Variants in PLCE1 observed in about 807,000 individuals in gnomAD.
The protein encoded by PLCE1 is 1-phosphatidylinositol 4,5-bisphosphate phosphodiesterase epsilon-1.
Under a neutral mutation model 242.8 loss-of-function variants are expected in PLCE1, and 119 were observed. The observed-to-expected ratio is 0.49, with a 90% confidence interval of 0.42 to 0.57. The LOEUF (loss-of-function observed/expected upper bound fraction) is 0.57. Ranked by LOEUF, PLCE1 falls within the 20% of genes least tolerant of loss-of-function variation. The probability of loss-of-function intolerance (pLI) is 0.00; values close to 1 mark genes in which losing one functional copy is unlikely to be tolerated. For missense variants in PLCE1, 2,441 were observed against 2,788.8 expected (o/e 0.88, Z 2.81); for synonymous variants, 945 against 1,017.4 (o/e 0.93, Z 1.35).
chr10:94,183,154 C>G (rs2048363687), intron 4 of PLCE1, among the ~76,000 whole-genome samples: 1 of 152,144 alleles, frequency 6.6e-6, no homozygotes, highest in African/African-American at 2.4e-5. Flanking sequence ...CTTTGAAAAA[C>G]CACTTTTAGA....
intron 20 of PLCE1, among the ~76,000 whole-genome samples, chr10:94,282,240 A>G (rs2052260838): frequency 6.6e-6 from 1 of 151,572 alleles, no homozygotes; most frequent in South Asian, 2.1e-4. Context: ...CATTTGGGCT[A>G]TAAAAATGAG....
intron 2 of PLCE1, among the ~76,000 whole-genome samples, chr10:94,123,081 CAG>C (rs1247786896): frequency 5.9e-5 from 9 of 152,162 alleles, no homozygotes; most frequent in Admixed American, 1.3e-4. Flanking sequence ...GGAGAGTAAA[CAG>C]TGATTTCTGT....
At chr10:94,260,470 C>G (rs1353868369) in intron 13 of PLCE1, among the ~76,000 whole-genome samples, 6 of 152,112 alleles carry the variant, frequency 3.9e-5, no homozygotes, top group Admixed American at 3.9e-4. Flanking sequence ...TATGCAGTTG[C>G]TTCATAATTA....
chr10:94,225,629 T>C, intron 4 of PLCE1, among the ~76,000 whole-genome samples: 1 of 152,096 alleles, frequency 6.6e-6, no homozygotes. Flanking sequence ...AGATTCTGTC[T>C]AAAAAAGGAA....
intron 3 of PLCE1, among the ~76,000 whole-genome samples, chr10:94,148,708 G>A (rs1018704904): frequency 5.9e-5 from 9 of 152,170 alleles, no homozygotes; most frequent in African/African-American, 1.9e-4. Context: ...AGGGACTATA[G>A]GAAGTGGAAG....
At chr10:94,035,253 T>C (rs1164097429) in intron 2 of PLCE1, among the ~76,000 whole-genome samples, 1 of 152,242 alleles carries the variant, frequency 6.6e-6, no homozygotes, top group Non-Finnish European at 1.5e-5. Context: ...TAGGTTGCTT[T>C]AGAACCTTTA....
intron 1 of PLCE1, among the ~76,000 whole-genome samples, chr10:94,000,669 C>T (rs907483987): frequency 1.3e-5 from 2 of 152,220 alleles, no homozygotes; most frequent in Non-Finnish European, 2.9e-5. Context: ...ATCCCTTCTA[C>T]TGCTCTCTGA....
intron 11 of PLCE1, among the ~76,000 whole-genome samples, chr10:94,256,342 G>A (rs12773172): frequency 0.22 from 26,893 of 124,498 alleles, 3,250 homozygotes; most frequent in Middle Eastern, 0.3. Context: ...AAAAAAAAAA[G>A]AAAGAAAGAA....
chr10:94,009,376 A>C (rs569825979), intron 1 of PLCE1, among the ~76,000 whole-genome samples: 1 of 152,306 alleles, frequency 6.6e-6, no homozygotes, highest in African/African-American at 2.4e-5. Context: ...AACACCTTCC[A>C]CTAGGTCCCA....
chr10:94,162,679 A>G (rs984495969), intron 3 of PLCE1, among the ~76,000 whole-genome samples: 14 of 151,836 alleles, frequency 9.2e-5, no homozygotes, highest in African/African-American at 3.4e-4. Flanking sequence ...GATCTTAGCT[A>G]TTTCTTGCCT....
At chr10:94,307,182 G>A (rs192142410) in intron 26 of PLCE1, among the ~76,000 whole-genome samples, 173 of 152,302 alleles carry the variant, frequency 1.1e-3, no homozygotes, top group Non-Finnish European at 2.1e-3. Flanking sequence ...TGGCTTTGTT[G>A]TGGCACTCTG....
intron 3 of PLCE1, among the ~76,000 whole-genome samples, chr10:94,166,535 C>T (rs1427252442): frequency 6.6e-6 from 1 of 151,612 alleles, no homozygotes; most frequent in Non-Finnish European, 1.5e-5. Context: ...TAAGGTATTC[C>T]TGCCTAACTC....
At chr10:94,324,008 G>A (rs1020759558) in intron 30 of PLCE1, among the ~76,000 whole-genome samples, 8 of 152,290 alleles carry the variant, frequency 5.3e-5, no homozygotes, top group Non-Finnish European at 1.0e-4. Context: ...GTCTGTGAGC[G>A]CTGGTACATG....
intron 3 of PLCE1, among the ~76,000 whole-genome samples, chr10:94,149,885 T>C (rs906913064): frequency 2.0e-5 from 3 of 152,066 alleles, no homozygotes; most frequent in Admixed American, 6.6e-5. Flanking sequence ...GATTACAGAG[T>C]AATTAGATAT....
intron 4 of PLCE1, among the ~76,000 whole-genome samples, chr10:94,207,809 A>C (rs2049209324): frequency 6.6e-6 from 1 of 152,198 alleles, no homozygotes; most frequent in African/African-American, 2.4e-5. Flanking sequence ...TAAAAGGACC[A>C]GGTGCCACTT....
chr10:94,068,386 A>G (rs903322062), intron 2 of PLCE1, among the ~76,000 whole-genome samples: 10 of 138,876 alleles, frequency 7.2e-5, no homozygotes, highest in Admixed American at 2.1e-4. Flanking sequence ...TATTCGGGGG[A>G]AAAATAACAA....
At chr10:94,067,292 G>T (rs1331324449) in intron 2 of PLCE1, among the ~76,000 whole-genome samples, 1 of 152,122 alleles carries the variant, frequency 6.6e-6, no homozygotes, top group African/African-American at 2.4e-5. Context: ...CTAGCTGACT[G>T]AATCAGAGTT....
chr10:94,172,952 G>A (rs1315883712), intron 4 of PLCE1, among the ~76,000 whole-genome samples: 1 of 152,198 alleles, frequency 6.6e-6, no homozygotes, highest in Non-Finnish European at 1.5e-5. Flanking sequence ...TACAACGAGT[G>A]TTAGAGGCTG....
chr10:94,072,027 TG>T (rs1171163586), intron 2 of PLCE1, among the ~76,000 whole-genome samples: 1 of 152,200 alleles, frequency 6.6e-6, no homozygotes, highest in African/African-American at 2.4e-5. Flanking sequence ...TGCCTGCATT[TG>T]GCTCCCAGTT....
Sources: gnomAD v4.1 joint callset for allele counts (sites outside exome capture counted in the v4.1 genomes callset) on GRCh38, gnomAD v4.1.1 for gene constraint, MANE v1.5 for transcripts, NCBI Gene and HGNC (gene_info 2026-07-23, HGNC 2026-07-21) for gene names.